The following GALNT11 variants were observed in gnomAD, a reference collection of about 807,000 sequenced individuals.
GALNT11 encodes the protein polypeptide N-acetylgalactosaminyltransferase 11.
In GALNT11, 47 loss-of-function variants were observed where a neutral mutation model predicts 72.7. That is an observed-to-expected ratio of 0.65 (90% CI 0.51 to 0.82). The LOEUF is 0.82. Among genes scored for constraint, GALNT11 ranks in the 40% least tolerant of loss-of-function variants. The pLI is 0.00. For missense variants in GALNT11, 677 were observed against 778.4 expected, an observed-to-expected ratio of 0.87 and a Z score of 1.55; for synonymous variants, 270 against 286.6, an observed-to-expected ratio of 0.94 and a Z score of 0.58.
At chr7:152,036,396 C>G (rs2082581350) in intron 1 of GALNT11, among the ~76,000 whole-genome samples, 1 of 152,152 alleles carries the variant, frequency 6.6e-6, no homozygotes, top group Non-Finnish European at 1.5e-5. Context: ...CCAGTTCTAT[C>G]CCTGTTGTTG....
At chr7:152,069,131 G>A (rs552234616) in intron 1 of GALNT11, among the ~76,000 whole-genome samples, 3 of 152,228 alleles carry the variant, frequency 2.0e-5, no homozygotes, top group African/African-American at 7.2e-5. Context: ...ATGTTGATGA[G>A]TTATATTTTC....
chr7:152,095,642 A>G (rs1339822148), intron 2 of GALNT11, among the ~76,000 whole-genome samples: 1 of 152,232 alleles, frequency 6.6e-6, no homozygotes, highest in African/African-American at 2.4e-5. Flanking sequence ...TACAATTTTC[A>G]TAAATCTTTT....
intron 1 of GALNT11, among the ~76,000 whole-genome samples, chr7:152,089,681 A>G (rs1261503824): frequency 2.0e-5 from 3 of 152,228 alleles, no homozygotes; most frequent in Non-Finnish European, 4.4e-5. Flanking sequence ...GTCCAGCACA[A>G]ATATTTTGGT....
chr7:152,109,647 A>AT (rs1211127364), intron 6 of GALNT11, among the ~76,000 whole-genome samples: 1 of 151,728 alleles, frequency 6.6e-6, no homozygotes, highest in African/African-American at 2.4e-5. Flanking sequence ...TTTTCATGTG[A>AT]TTTTATCTTC....
intron 1 of GALNT11, among the ~76,000 whole-genome samples, chr7:152,047,233 G>A (rs1323996800): frequency 6.6e-6 from 1 of 152,116 alleles, no homozygotes; most frequent in African/African-American, 2.4e-5. Context: ...CACTTTGGTA[G>A]GCCGAGGCTG....
intron 2 of GALNT11, among the ~76,000 whole-genome samples, chr7:152,096,095 G>T (rs1311092683): frequency 6.6e-6 from 1 of 152,130 alleles, no homozygotes; most frequent in Non-Finnish European, 1.5e-5. Context: ...GCTGAAAACT[G>T]TAAAACATTG....
chr7:152,119,982 A>AT (rs1402312401), intron 10 of GALNT11: 1 of 152,100 alleles, frequency 6.6e-6, no homozygotes, highest in African/African-American at 2.4e-5. Flanking sequence ...TCACAGTGAG[A>AT]TGAGAGCTGA....
intron 1 of GALNT11, among the ~76,000 whole-genome samples, chr7:152,084,623 A>G (rs768009756): frequency 2.1e-4 from 32 of 152,184 alleles, no homozygotes; most frequent in Non-Finnish European, 3.8e-4. Context: ...CTTCTTCACA[A>G]TAAGCATTCA....
intron 1 of GALNT11, among the ~76,000 whole-genome samples, chr7:152,027,207 C>G (rs2082063639): frequency 1.3e-5 from 2 of 152,146 alleles, no homozygotes; most frequent in South Asian, 4.1e-4. Context: ...CGAGATCACG[C>G]CACTGCACTC....
chr7:152,120,780 G>C (rs1319804610), intron 10 of GALNT11, 51 bp from the exon 11 acceptor site: 2 of 1,451,836 alleles, frequency 1.4e-6, no homozygotes, highest in Non-Finnish European at 1.9e-6. Flanking sequence ...GCAAAGTGTT[G>C]TTCAGTCTTA....
chr7:152,042,309 G>T (rs976974859), intron 1 of GALNT11, among the ~76,000 whole-genome samples: 3 of 152,126 alleles, frequency 2.0e-5, no homozygotes, highest in African/African-American at 7.2e-5. Context: ...TGTCCCCATA[G>T]GTTGTATAAC....
At chr7:152,032,377 A>C (rs1284605301) in intron 1 of GALNT11, among the ~76,000 whole-genome samples, 1 of 152,168 alleles carries the variant, frequency 6.6e-6, no homozygotes, top group Non-Finnish European at 1.5e-5. Flanking sequence ...TGAGGTCCAG[A>C]ACAGGGAACC....
At chr7:152,095,291 A>G (rs1258857187) in intron 2 of GALNT11, among the ~76,000 whole-genome samples, 1 of 142,210 alleles carries the variant, frequency 7.0e-6, no homozygotes, top group Non-Finnish European at 1.5e-5. Flanking sequence ...TTGACATTTT[A>G]TTTTAAGGGA....
chr7:152,081,479 A>G (rs897852866), intron 1 of GALNT11, among the ~76,000 whole-genome samples: 6 of 152,260 alleles, frequency 3.9e-5, no homozygotes, highest in African/African-American at 9.6e-5. Context: ...CATTTTAGAT[A>G]TTAACAACAG....
At chr7:152,116,052 A>G (rs1442431699) in intron 8 of GALNT11, among the ~76,000 whole-genome samples, 1 of 152,158 alleles carries the variant, frequency 6.6e-6, no homozygotes, top group Non-Finnish European at 1.5e-5. Context: ...GTGAAACTCC[A>G]TCTCAAAAAA....
chr7:152,120,929 A>C lies in GALNT11; in HGVS notation c.1656A>C (p.Lys552Asn). 1 of 1,614,174 alleles carries C rather than the reference A, an allele frequency of 6.2e-7. No homozygotes were observed. Among genetic ancestry groups the C allele is most frequent in the Non-Finnish European group, 8.5e-7 (1 of 1,180,026 alleles). The change falls in exon 11 of 12, where the codon AAA (lysine) becomes AAC (asparagine). Residue 552 changes from lysine to asparagine, a missense_variant. By Grantham distance (94) the Lys-to-Asn change is moderately conservative. Transcript: ENST00000430044. ...CATCAGACCCGCCACGGCTCATGAA[A>C]TGCCACGGGTCAGGAGGATCCCAGC... ...TRSSDPPRLM[K>N]CHGSGGSQQW...
chr7:152,087,596 A>T (rs560537483), intron 1 of GALNT11, among the ~76,000 whole-genome samples: 5 of 152,342 alleles, frequency 3.3e-5, no homozygotes, highest in African/African-American at 1.2e-4. Context: ...CTAATGACAA[A>T]AAATTAATAT....
At chr7:152,047,403 G>A (rs2083183244) in intron 1 of GALNT11, among the ~76,000 whole-genome samples, 1 of 152,142 alleles carries the variant, frequency 6.6e-6, no homozygotes. Context: ...AGCGGAGGTT[G>A]TAGTGAGCCA....
intron 1 of GALNT11, among the ~76,000 whole-genome samples, chr7:152,070,798 G>A (rs28753915): frequency 0.034 from 5,195 of 152,170 alleles, 299 homozygotes; most frequent in African/African-American, 0.12. Context: ...CAATATTCAC[G>A]TAGGTTCTTT....
Sources: gnomAD v4.1 joint callset for allele counts (sites outside exome capture counted in the v4.1 genomes callset) on GRCh38, gnomAD v4.1.1 for gene constraint, MANE v1.5 for transcripts, NCBI Gene and HGNC (gene_info 2026-07-23, HGNC 2026-07-21) for gene names.